ZSCAN5A: variants seen among roughly 807,000 people sequenced by gnomAD.
ZSCAN5A encodes the protein zinc finger and SCAN domain-containing protein 5A.
In ZSCAN5A, 12 loss-of-function variants were observed where a neutral mutation model predicts 23.7. That is an observed-to-expected ratio of 0.51 (90% CI 0.32 to 0.82). The LOEUF (loss-of-function observed/expected upper bound fraction) is 0.82. ZSCAN5A is among the 40% of genes least tolerant of loss of function. The probability of loss-of-function intolerance (pLI) is 0.03; values close to 1 mark genes in which losing one functional copy is unlikely to be tolerated. For synonymous variants in ZSCAN5A, 257 were observed against 239.9 expected (o/e 1.07, Z -0.66); for missense variants, 597 against 617.9 (o/e 0.97, Z 0.36).
upstream of ZSCAN5A, among the ~76,000 whole-genome samples, chr19:56,319,440 G>A (rs2041351053): frequency 7.3e-6 from 1 of 137,250 alleles, no homozygotes; most frequent in Non-Finnish European, 1.5e-5. Context: ...AGGTTGCAGT[G>A]AGCCGAGATT....
intron 2 of ZSCAN5A, among the ~76,000 whole-genome samples, chr19:56,293,085 C>T (rs1361273423): frequency 1.3e-5 from 2 of 152,328 alleles, no homozygotes; most frequent in East Asian, 1.9e-4. Flanking sequence ...CCCACACCCA[C>T]CTCCAAACCC....
chr19:56,260,048 C>G (rs991488006), intron 2 of ZSCAN5A, among the ~76,000 whole-genome samples: 4 of 152,066 alleles, frequency 2.6e-5, no homozygotes, highest in African/African-American at 9.7e-5. Context: ...ATAAAAATAA[C>G]AATGAAACAA....
intron 2 of ZSCAN5A, among the ~76,000 whole-genome samples, chr19:56,285,555 T>C (rs1437269837): frequency 1.3e-5 from 2 of 152,316 alleles, no homozygotes; most frequent in East Asian, 3.9e-4. Context: ...CTAATATATA[T>C]GTTTTTAGTT....
intron 2 of ZSCAN5A, among the ~76,000 whole-genome samples, chr19:56,362,102 G>A (rs1289923118): frequency 2.0e-5 from 3 of 149,502 alleles, no homozygotes; most frequent in East Asian, 3.9e-4. Context: ...AGCTTGCAGT[G>A]AGCCAAGATT....
intron 2 of ZSCAN5A, among the ~76,000 whole-genome samples, chr19:56,241,437 T>A (rs926338056): frequency 1.3e-5 from 2 of 152,136 alleles, no homozygotes; most frequent in African/African-American, 4.8e-5. Flanking sequence ...TATGCTTTTT[T>A]CAAAAAAAAT....
At chr19:56,279,965 T>C (rs2038563655) in intron 2 of ZSCAN5A, among the ~76,000 whole-genome samples, 1 of 152,200 alleles carries the variant, frequency 6.6e-6, no homozygotes, top group Non-Finnish European at 1.5e-5. Context: ...GTTATTTTCA[T>C]TTAAAATAAG....
intron 4 of ZSCAN5A, 56 bp downstream of exon 4, chr19:56,223,575 T>C: frequency 3.2e-6 from 5 of 1,584,476 alleles, no homozygotes; most frequent in Non-Finnish European, 3.4e-6. Flanking sequence ...GGCCACACGA[T>C]TTCCTCCTGT....
At chr19:56,363,054 T>C (rs577671976) in intron 2 of ZSCAN5A, 1 of 152,362 alleles carries the variant, frequency 6.6e-6, no homozygotes, top group South Asian at 2.1e-4. Flanking sequence ...CCCAAAGTTA[T>C]ACATTCCTGT....
At position 56,284,254 on chromosome 19, in the gene ZSCAN5A, G is replaced by A. The variant is rs767920234; in HGVS notation, c.-128+29029C>T. On this transcript the variant is annotated intron_variant, in intron 2 of 5. Coordinates refer to ENST00000683990, the MANE Select transcript of ZSCAN5A (RefSeq NM_001322064.3). The stretch of plus-strand genomic sequence containing the variant: ...ATGCCCCCAGACTGTGCACTTTGGC[G>A]GGAAATTTTGGGCTTTGCTCTAGAA... 5.8e-5 allele frequency: 50 copies of A among 862,688 alleles called. No individual in the cohort carries two copies. In the African/African-American group the frequency reaches 5.8e-4, roughly 10 times the overall value. 53.4% of individuals were successfully genotyped at this position (862,688 alleles called of 1,614,324 possible).
At chr19:56,222,824 G>T in intron 4 of ZSCAN5A, 83 bp from the exon 5 acceptor site, 1 of 1,584,216 alleles carries the variant, frequency 6.3e-7, no homozygotes, top group Non-Finnish European at 8.6e-7. Flanking sequence ...CTGATTGGAT[G>T]CAACAACTCT....
chr19:56,254,990 C>T (rs2146786411), intron 2 of ZSCAN5A, among the ~76,000 whole-genome samples: 1 of 152,124 alleles, frequency 6.6e-6, no homozygotes, highest in East Asian at 1.9e-4. Flanking sequence ...CCATTGGTTG[C>T]TTTCACTCTG....
intron 2 of ZSCAN5A, chr19:56,244,088 A>G (rs2035651969): frequency 2.2e-6 from 3 of 1,356,954 alleles, no homozygotes; most frequent in Non-Finnish European, 2.1e-6. Flanking sequence ...AGGACCCTGC[A>G]ACAGCCCTGA....
chr19:56,223,970 C>G, intron 3 of ZSCAN5A, 136 bp from the exon 4 acceptor site: 1 of 809,282 alleles, frequency 1.2e-6, no homozygotes, highest in Non-Finnish European at 1.9e-6. Flanking sequence ...AGAGTCAGCT[C>G]TGTGGACACA....
At chr19:56,243,947 G>C (rs1431603565) in intron 2 of ZSCAN5A, 1 of 583,216 alleles carries the variant, frequency 1.7e-6, no homozygotes, top group African/African-American at 1.9e-5. Context: ...CTATTATTGA[G>C]GAAAACCAAA....
chr19:56,269,763 AG>A (rs2037717964), intron 2 of ZSCAN5A, among the ~76,000 whole-genome samples: 1 of 152,248 alleles, frequency 6.6e-6, no homozygotes, highest in Admixed American at 6.5e-5. Flanking sequence ...ACCAGGAGTC[AG>A]GAATGTGGGC....
Position 56,222,016 on chromosome 19 carries a change from G to T in ZSCAN5A, c.1050C>A (p.Ala350=), listed in dbSNP as rs767531928. Residue 350 remains alanine, a synonymous_variant, in exon 6 of 6, where the codon GCC becomes GCA. Coordinates refer to ENST00000683990, the MANE Select transcript of ZSCAN5A (RefSeq NM_001322064.3). ...CACATGCAAAGGGCGGCAGTGCCTTGGCTTCTTGGCCATCCGGGTGACTGA... is the reference window on the plus strand; with the variant it reads ...CACATGCAAAGGGCGGCAGTGCCTTTGCTTCTTGGCCATCCGGGTGACTGA... ...SPVSHPDGQE[A]KALPPFACDV... 2 of 1,614,190 alleles carry T rather than the reference G, an allele frequency of 1.2e-6. No homozygotes were observed. The highest frequency in any genetic ancestry group is 2.7e-5 in the African/African-American group (2 of 75,044).
chr19:56,343,755 A>ATATC (rs2041611941), intron 2 of ZSCAN5A, among the ~76,000 whole-genome samples: 1 of 152,122 alleles, frequency 6.6e-6, no homozygotes, highest in East Asian at 1.9e-4. Flanking sequence ...AACTTTCTTT[A>ATATC]TATCTCTCTT....
At chr19:56,325,971 T>C (rs554255462) in intron 2 of ZSCAN5A, among the ~76,000 whole-genome samples, 50 of 152,058 alleles carry the variant, frequency 3.3e-4, no homozygotes, top group Admixed American at 1.4e-3. Context: ...CTTGCTCTGT[T>C]GCCCAGGCTG....
intron 2 of ZSCAN5A, chr19:56,245,430 G>A (rs764893972): frequency 3.0e-6 from 2 of 666,444 alleles, no homozygotes; most frequent in South Asian, 1.8e-5. Flanking sequence ...AGGCAGGTGA[G>A]TGTGTGAGGC....
Sources: allele counts gnomAD v4.1 joint callset (sites outside exome capture counted in the v4.1 genomes callset), GRCh38; gene constraint gnomAD v4.1.1; transcripts MANE v1.5; gene names NCBI Gene and HGNC (gene_info 2026-07-23, HGNC 2026-07-21).